Variants in ROBO2 observed in about 807,000 individuals in gnomAD.
ROBO2 encodes roundabout guidance receptor 2.
In ROBO2, 53 loss-of-function variants were observed where a neutral mutation model predicts 160.8. The observed-to-expected ratio is 0.33, with a 90% CI of 0.26 to 0.41. The LOEUF is 0.41. ROBO2 is among the 10% of genes least tolerant of loss of function. ROBO2 has a pLI of 1.00. For missense variants in ROBO2, 1,577 were observed against 1,722.4 expected (o/e 0.92, Z 1.49); for synonymous variants, 664 against 611.7 (o/e 1.09, Z -1.26).
At chr3:76,386,281 T>A (rs2076877443) in intron 2 of ROBO2, among the ~76,000 whole-genome samples, 1 of 151,884 alleles carries the variant, frequency 6.6e-6, no homozygotes, top group African/African-American at 2.4e-5. Context: ...AAACTAGACC[T>A]TTCTTCATAT....
chr3:76,642,794 C>T lies in ROBO2; in HGVS notation c.110-455220C>T, dbSNP rs1166543489. Among the ~76,000 whole-genome samples the T allele has an allele frequency of 5.3e-5, 8 of 152,146 alleles. No individual in the cohort carries two copies. The East Asian group carries it at 1.5e-3, about 29-fold the overall frequency. ...TTCATTCTTCTGCAGCAATTGTCCA[C>T]CAAATACGTAAAACCATGAAATATT... On this transcript the variant is annotated intron_variant, in intron 2 of 26. Coordinates refer to the ROBO2 transcript ENST00000487694.
At chr3:77,057,347 A>G (rs1158349862) in intron 1 of ROBO2, among the ~76,000 whole-genome samples, 1 of 152,040 alleles carries the variant, frequency 6.6e-6, no homozygotes, top group African/African-American at 2.4e-5. Context: ...GCATTAGGAG[A>G]TATACCTAAT....
At chr3:77,362,148 T>C (rs545109753) in intron 2 of ROBO2, among the ~76,000 whole-genome samples, 1 of 152,258 alleles carries the variant, frequency 6.6e-6, no homozygotes, top group African/African-American at 2.4e-5. Flanking sequence ...AAATTTGAAT[T>C]GTTAAAGAAA....
At chr3:77,046,533 C>T (rs899399427) in intron 1 of ROBO2, among the ~76,000 whole-genome samples, 1 of 152,140 alleles carries the variant, frequency 6.6e-6, no homozygotes, top group Non-Finnish European at 1.5e-5. Flanking sequence ...TTGCACAACT[C>T]TCTTATTGGT....
intron 19 of ROBO2, among the ~76,000 whole-genome samples, chr3:77,599,359 A>G (rs564183444): frequency 1.8e-4 from 27 of 152,202 alleles, no homozygotes; most frequent in African/African-American, 6.5e-4. Context: ...ATGTATGACT[A>G]TATAACCATA....
intron 5 of ROBO2, among the ~76,000 whole-genome samples, chr3:77,498,614 T>G (rs2087115299): frequency 6.6e-6 from 1 of 152,148 alleles, no homozygotes; most frequent in Non-Finnish European, 1.5e-5. Context: ...TAATTCCTTT[T>G]TTTTTTTTTG....
chr3:77,595,036 C>A, intron 17 of ROBO2, 106 bp from the exon 19 acceptor site: 1 of 851,678 alleles, frequency 1.2e-6, no homozygotes, highest in South Asian at 1.5e-5. Flanking sequence ...GTTAAAATTC[C>A]CAGAGGCCTC....
At chr3:76,917,919 A>C (rs891737260) in intron 2 of ROBO2, among the ~76,000 whole-genome samples, 5 of 152,200 alleles carry the variant, frequency 3.3e-5, no homozygotes, top group Non-Finnish European at 7.3e-5. Context: ...TGTTTTCTAG[A>C]TATTAAGAAG....
In ROBO2 at chr3:76,746,847, T is replaced by C. The variant is rs142563597; in HGVS notation, c.110-351167T>C. Among the ~76,000 whole-genome samples the C allele has an allele frequency of 6.5e-3, 989 of 152,134 alleles. 6 individuals are homozygous for C. Among genetic ancestry groups the C allele is most frequent in the Middle Eastern group, 0.024 (7 of 294 alleles). Reference sequence around the variant, plus strand: ...CAAGCCCCAGTGTTTGTTGTTACGCTCCCTGTGTCCATATGATCTTATTGT... The same window carrying C: ...CAAGCCCCAGTGTTTGTTGTTACGCCCCCTGTGTCCATATGATCTTATTGT... On this transcript the variant is annotated intron_variant, in intron 2 of 26. Transcript: ENST00000487694.
intron 2 of ROBO2, among the ~76,000 whole-genome samples, chr3:76,248,306 C>T (rs1490545536): frequency 1.3e-5 from 2 of 151,972 alleles, no homozygotes; most frequent in Non-Finnish European, 2.9e-5. Flanking sequence ...GAATACTATG[C>T]AGCCATAAAA....
At chr3:77,604,010 C>A (rs565738062) in intron 20 of ROBO2, 1 of 152,162 alleles carries the variant, frequency 6.6e-6, no homozygotes, top group Admixed American at 6.5e-5. Context: ...AGCATCAAAG[C>A]CATAAAGAGT....
At chr3:76,002,727 C>T (rs768066082) in intron 2 of ROBO2, among the ~76,000 whole-genome samples, 16 of 152,110 alleles carry the variant, frequency 1.1e-4, no homozygotes, top group Non-Finnish European at 2.1e-4. Flanking sequence ...CAGACTAAAA[C>T]ACCAAGAAAC....
At chr3:76,065,102 TA>T (rs930249091) in intron 2 of ROBO2, among the ~76,000 whole-genome samples, 1 of 152,028 alleles carries the variant, frequency 6.6e-6, no homozygotes, top group Non-Finnish European at 1.5e-5. Context: ...TATAATAGCA[TA>T]AAAATTATTG....
At position 76,707,731 on chromosome 3, in the gene ROBO2, G is replaced by GTGTATATATATATATATATA. The variant is rs376823667; in HGVS notation, c.110-390282_110-390281insGTATATATATATATATATAT. Among the ~76,000 whole-genome samples the GTGTATATATATATATATATA allele has an allele frequency of 4.6e-3, 609 of 133,800 alleles. 10 individuals are homozygous for GTGTATATATATATATATATA. The highest frequency in any genetic ancestry group is 6.1e-3 in the Non-Finnish European group (380 of 62,426). The allele number at this position is 133,800 out of a possible 152,430, so 87.8% of individuals were successfully genotyped here. Reference sequence around the variant, plus strand: ...CACACACATTAGAATACATGTGTGTGTATATATATATATATATATATATAT... The same window carrying GTGTATATATATATATATATA: ...CACACACATTAGAATACATGTGTGTGTGTATATATATATATATATATATATATATATATATATATATATAT... On this transcript the variant is annotated intron_variant, in intron 2 of 26. Coordinates refer to the ROBO2 transcript ENST00000487694.
intron 2 of ROBO2, among the ~76,000 whole-genome samples, chr3:76,850,308 AAC>A (rs2069212541): frequency 6.6e-6 from 1 of 152,162 alleles, no homozygotes; most frequent in Non-Finnish European, 1.5e-5. Context: ...TATTCAATAA[AAC>A]ATATATTAAT....
chr3:76,125,981 C>T (rs780146451), intron 2 of ROBO2, among the ~76,000 whole-genome samples: 1 of 152,028 alleles, frequency 6.6e-6, no homozygotes, highest in Non-Finnish European at 1.5e-5. Context: ...CGCGTGCCAC[C>T]ATGCCCAGCT....
chr3:77,630,768 C>T (rs756646406), intron 23 of ROBO2: 1 of 151,724 alleles, frequency 6.6e-6, no homozygotes, highest in Admixed American at 6.6e-5. Context: ...AGGAGTAAAA[C>T]AAGATGAAGA....
chr3:76,062,280 C>T (rs55672201), intron 2 of ROBO2, among the ~76,000 whole-genome samples: 3,126 of 152,042 alleles, frequency 0.021, 45 homozygotes, highest in East Asian at 0.081. Flanking sequence ...ATCAAAACAG[C>T]ACGTCTAAAA....
chr3:76,644,235 A>G (rs962807554), intron 2 of ROBO2, among the ~76,000 whole-genome samples: 4 of 152,208 alleles, frequency 2.6e-5, no homozygotes, highest in Non-Finnish European at 5.9e-5. Context: ...AAACCCTGCC[A>G]TGACTGAAAC....
Sources: allele counts gnomAD v4.1 joint callset (sites outside exome capture counted in the v4.1 genomes callset), GRCh38; gene constraint gnomAD v4.1.1; transcripts MANE v1.5; gene names NCBI Gene and HGNC (gene_info 2026-07-23, HGNC 2026-07-21).